RBM19: variants seen among roughly 807,000 people sequenced by gnomAD.
RBM19 encodes probable RNA-binding protein 19.
A neutral mutation model predicts 116.8 loss-of-function variants in RBM19; 94 were observed. The observed-to-expected ratio is 0.80, with a 90% CI of 0.68 to 0.95. The LOEUF is 0.95. Ranked by LOEUF, RBM19 falls within the 40% of genes least tolerant of loss-of-function variation. The pLI is 0.00. For missense variants in RBM19, 1,161 were observed against 1,220.7 expected, an observed-to-expected ratio of 0.95 and a Z score of 0.73; for synonymous variants, 475 against 494.1, an observed-to-expected ratio of 0.96 and a Z score of 0.51.
At chr12:113,928,111 T>C (rs1450103399) in intron 16 of RBM19, among the ~76,000 whole-genome samples, 1 of 152,028 alleles carries the variant, frequency 6.6e-6, no homozygotes, top group Non-Finnish European at 1.5e-5. Flanking sequence ...CGGAGGCAGG[T>C]GGATTACTTG....
intron 6 of RBM19, among the ~76,000 whole-genome samples, chr12:113,956,241 A>G (rs776404559): frequency 9.9e-5 from 15 of 152,160 alleles, no homozygotes; most frequent in Non-Finnish European, 1.9e-4. Context: ...AGAAAGGGAA[A>G]AGAGGAAAGA....
chr12:113,895,258 A>G (rs900106122), intron 21 of RBM19, among the ~76,000 whole-genome samples: 2 of 152,172 alleles, frequency 1.3e-5, no homozygotes, highest in African/African-American at 4.8e-5. Context: ...TGCCAGGAAG[A>G]CCAATGCCTC....
At chr12:113,933,007 C>T (rs910904153) in intron 16 of RBM19, among the ~76,000 whole-genome samples, 15 of 152,082 alleles carry the variant, frequency 9.9e-5, no homozygotes, top group Non-Finnish European at 1.6e-4. Context: ...CGGCTCTCGG[C>T]GCTGGAGCTG....
intron 16 of RBM19, among the ~76,000 whole-genome samples, chr12:113,936,588 C>T (rs1329282615): frequency 1.3e-5 from 2 of 152,218 alleles, no homozygotes; most frequent in Non-Finnish European, 2.9e-5. Context: ...CCAGGGGCCA[C>T]GGCTTCCCCT....
At chr12:113,870,620 T>C (rs551481804) in intron 21 of RBM19, among the ~76,000 whole-genome samples, 4 of 152,210 alleles carry the variant, frequency 2.6e-5, no homozygotes, top group South Asian at 2.1e-4. Context: ...ATCTTACAAA[T>C]ACAGGGAGAA....
In RBM19 at chr12:113,962,270, G is replaced by A. The variant is rs1237015982; in HGVS notation, c.181C>T (p.His61Tyr). The A allele has an allele frequency of 1.2e-6, 2 of 1,614,268 alleles. No homozygotes were observed. The highest frequency in any genetic ancestry group is 1.7e-5 in the Admixed American group (1 of 60,030). Residue 61 changes from histidine to tyrosine, a missense_variant, in exon 2 of 24, where the codon CAT becomes TAT. Coordinates refer to ENST00000261741, the MANE Select transcript of RBM19 (RefSeq NM_016196.4). ...GTGTCGATGAAGCTCTTGTTGAAAT[G>A]CTTCTGTGCCTTCTGGGCCTCTTCC... ...SEEEAQKAQK[H>Y]FNKSFIDTSR...
Position 113,924,856 on chromosome 12 carries a change from C to A in RBM19, c.2245-99G>T, listed in dbSNP as rs1566020183. 13 of 965,922 alleles carry A rather than the reference C, an allele frequency of 1.3e-5. No homozygotes were observed. In the East Asian group the frequency reaches 2.2e-4, roughly 16 times the overall value. The allele number at this position is 965,922 out of a possible 1,614,324, so 59.8% of individuals were successfully genotyped here. On this transcript the variant is annotated intron_variant, in intron 17 of 23. Coordinates refer to ENST00000261741, the MANE Select transcript of RBM19 (RefSeq NM_016196.4). Reference sequence around the variant, plus strand: ...TACCCCCAAATTTGCCATATGGACACCTTGGGGTCCCAAAAACATTTTGAG... The same window carrying A: ...TACCCCCAAATTTGCCATATGGACAACTTGGGGTCCCAAAAACATTTTGAG...
chr12:113,938,027 G>A (rs1318178269), intron 15 of RBM19, among the ~76,000 whole-genome samples: 2 of 152,112 alleles, frequency 1.3e-5, no homozygotes, highest in Non-Finnish European at 2.9e-5. Flanking sequence ...CTGTGTGATC[G>A]TGGGTCAGGG....
chr12:113,909,353 TCAAA>T (rs1181632303), intron 21 of RBM19, among the ~76,000 whole-genome samples: 213 of 152,234 alleles, frequency 1.4e-3, no homozygotes, highest in African/African-American at 4.9e-3. Flanking sequence ...ACTCCTAGCT[TCAAA>T]GGATCCTCCT....
intron 20 of RBM19, among the ~76,000 whole-genome samples, chr12:113,915,856 TGATAATG>T (rs1882738588): frequency 6.6e-6 from 1 of 152,202 alleles, no homozygotes; most frequent in African/African-American, 2.4e-5. Flanking sequence ...GCAGCTGTTA[TGATAATG>T]ACCATGTTAG....
downstream of RBM19, chr12:113,818,213 CAAAAAAAAAAAAAA>C (rs767575044): frequency 1.5e-5 from 1 of 68,798 alleles, no homozygotes; most frequent in South Asian, 6.9e-4. Context: ...GACTTTGTCT[CAAAAAAAAAAAAAA>C]AAAAAAAAAA....
chr12:113,899,563 C>T (rs954117644), intron 21 of RBM19, among the ~76,000 whole-genome samples: 1 of 152,220 alleles, frequency 6.6e-6, no homozygotes, highest in Non-Finnish European at 1.5e-5. Flanking sequence ...TATCCACCTC[C>T]CTCTAAGCCA....
chr12:113,917,450 C>T (rs1268941649), intron 20 of RBM19, among the ~76,000 whole-genome samples: 1 of 152,190 alleles, frequency 6.6e-6, no homozygotes, highest in Non-Finnish European at 1.5e-5. Flanking sequence ...CAGGAACCCC[C>T]ACTAGACTTC....
intron 23 of RBM19, among the ~76,000 whole-genome samples, chr12:113,831,500 C>T (rs892001922): frequency 1.3e-5 from 2 of 152,168 alleles, no homozygotes; most frequent in Non-Finnish European, 2.9e-5. Context: ...CGTCCAATCC[C>T]GGCCCAGCCC....
chr12:113,840,087 T>C (rs1876333171), intron 23 of RBM19, among the ~76,000 whole-genome samples: 1 of 152,048 alleles, frequency 6.6e-6, no homozygotes, highest in African/African-American at 2.4e-5. Flanking sequence ...CCAGTTCCTC[T>C]GAGGCCAGCC....
At position 113,858,848 on chromosome 12, in the gene RBM19, C is replaced by T. The variant is rs1295604005; in HGVS notation, c.2607G>A (p.Gly869=). The part of the protein sequence containing the change: ...KTVRLPKKMT[G]TGTHRGFGFV... Reference sequence around the variant, plus strand: ...AGCCGAAGCCTCTGTGTGTGCCTGTCCCAGTCATCTTCTTTGGCAGGCGGA... The same window carrying T: ...AGCCGAAGCCTCTGTGTGTGCCTGTTCCAGTCATCTTCTTTGGCAGGCGGA... The change falls in exon 22 of 24, where the codon GGG becomes GGA. Residue 869 remains glycine, a synonymous_variant. Coordinates refer to ENST00000261741, the MANE Select transcript of RBM19 (RefSeq NM_016196.4). The T allele has an allele frequency of 3.1e-6, 5 of 1,614,014 alleles. No individual in the cohort carries two copies. The highest frequency in any genetic ancestry group is 4.2e-6 in the Non-Finnish European group (5 of 1,180,042).
chr12:113,908,248 G>T (rs3782453), intron 21 of RBM19, among the ~76,000 whole-genome samples: 1 of 151,930 alleles, frequency 6.6e-6, no homozygotes, highest in Non-Finnish European at 1.5e-5. Context: ...TCAAAGGGCT[G>T]GAAGCTTTTG....
At chr12:113,922,269 C>A (rs1868646036) in intron 18 of RBM19, among the ~76,000 whole-genome samples, 1 of 152,202 alleles carries the variant, frequency 6.6e-6, no homozygotes, top group Non-Finnish European at 1.5e-5. Context: ...TCCTTACAGA[C>A]ATCTCTGCTC....
intron 23 of RBM19, among the ~76,000 whole-genome samples, chr12:113,842,861 T>A (rs1876621114): frequency 6.6e-6 from 1 of 151,024 alleles, no homozygotes; most frequent in African/African-American, 2.4e-5. Flanking sequence ...GAACAGCATG[T>A]GCAAAGGCAC....
Sources: allele counts gnomAD v4.1 joint callset (sites outside exome capture counted in the v4.1 genomes callset), GRCh38; gene constraint gnomAD v4.1.1; transcripts MANE v1.5; gene names NCBI Gene and HGNC (gene_info 2026-07-23, HGNC 2026-07-21).